The following CCDC141 variants were observed in gnomAD, a reference collection of about 807,000 sequenced individuals.
CCDC141 encodes the protein coiled-coil domain containing 141.
In CCDC141, 168 loss-of-function variants were observed where a neutral mutation model predicts 181.0. The observed-to-expected ratio is 0.93, with a 90% CI of 0.82 to 1.05. The LOEUF is 1.05. Among genes scored for constraint, CCDC141 ranks in the 50% least tolerant of loss-of-function variants. CCDC141 has a pLI of 0.00. For missense variants in CCDC141, 1,902 were observed against 1,788.5 expected (o/e 1.06, Z -1.14); for synonymous variants, 666 against 642.3 (o/e 1.04, Z -0.56).
intron 4 of CCDC141, among the ~76,000 whole-genome samples, chr2:178,963,413 G>GTT (rs368404547): frequency 7.4e-4 from 111 of 150,268 alleles, no homozygotes; most frequent in African/African-American, 2.5e-3. Flanking sequence ...CAAATATACT[G>GTT]TTTTTTTTTG....
At chr2:178,887,598 C>T (rs1260764493) in intron 9 of CCDC141, among the ~76,000 whole-genome samples, 1 of 152,224 alleles carries the variant, frequency 6.6e-6, no homozygotes. Context: ...GTCTCAAGCT[C>T]CAGGCAATGC....
intron 10 of CCDC141, among the ~76,000 whole-genome samples, chr2:178,885,456 C>G (rs1222687002): frequency 1.3e-5 from 2 of 152,036 alleles, no homozygotes; most frequent in Non-Finnish European, 2.9e-5. Context: ...CAGCAAATTC[C>G]TAAACTAATT....
intron 2 of CCDC141, among the ~76,000 whole-genome samples, chr2:179,000,997 A>C (rs2041953098): frequency 6.6e-6 from 1 of 152,196 alleles, no homozygotes; most frequent in African/African-American, 2.4e-5. Flanking sequence ...AGGAGTGAAT[A>C]GCCAGGCCTG....
chr2:179,016,699 A>C (rs1166750613), intron 2 of CCDC141, among the ~76,000 whole-genome samples: 1 of 152,008 alleles, frequency 6.6e-6, no homozygotes, highest in Non-Finnish European at 1.5e-5. Flanking sequence ...AGCAAGAATA[A>C]ACTTCTTTCT....
chr2:178,872,406 A>G (rs1281746587), intron 12 of CCDC141, 94 bp from the exon 13 acceptor site: 4 of 1,175,946 alleles, frequency 3.4e-6, no homozygotes, highest in Non-Finnish European at 4.7e-6. Context: ...ATTCTTTATC[A>G]CAACCAAAGC....
At chr2:179,044,523 T>C (rs1197749865) in intron 2 of CCDC141, among the ~76,000 whole-genome samples, 1 of 152,318 alleles carries the variant, frequency 6.6e-6, no homozygotes, top group South Asian at 2.1e-4. Flanking sequence ...TTCCCTTCTG[T>C]AGTCCTGGAT....
At chr2:178,920,052 T>A (rs1447884717) in intron 6 of CCDC141, among the ~76,000 whole-genome samples, 4 of 152,200 alleles carry the variant, frequency 2.6e-5, no homozygotes, top group African/African-American at 9.7e-5. Flanking sequence ...GAAGGGAAAT[T>A]CAAGTTTCTT....
intron 2 of CCDC141, among the ~76,000 whole-genome samples, chr2:178,999,899 C>A (rs915041028): frequency 6.6e-6 from 1 of 152,122 alleles, no homozygotes; most frequent in African/African-American, 2.4e-5. Flanking sequence ...CCCTTTAAAG[C>A]ACTTTCCACC....
intron 8 of CCDC141, among the ~76,000 whole-genome samples, chr2:178,901,141 A>G (rs949685485): frequency 2.0e-5 from 3 of 152,106 alleles, no homozygotes; most frequent in Non-Finnish European, 2.9e-5. Context: ...AGAGTTCTTC[A>G]GCTACATGGT....
At chr2:178,843,143 A>G (rs1684797465) in intron 22 of CCDC141, among the ~76,000 whole-genome samples, 1 of 152,218 alleles carries the variant, frequency 6.6e-6, no homozygotes, top group African/African-American at 2.4e-5. Context: ...ATTACAAAGC[A>G]GCTTATGTAT....
intron 6 of CCDC141, among the ~76,000 whole-genome samples, chr2:178,920,110 C>A (rs930074157): frequency 6.6e-6 from 1 of 152,182 alleles, no homozygotes. Flanking sequence ...ATGATTATCT[C>A]TAACATGACT....
chr2:178,833,998 A>T lies in CCDC141; in HGVS notation c.*175T>A. On this transcript the variant is annotated 3_prime_UTR_variant, in exon 24 of 24. Transcript: ENST00000443758. ...ATTTACCAAGCTTCTCAAATATATTAAACGCTCCAGAAAATTTGATTATTT... is the reference window on the plus strand; with the variant it reads ...ATTTACCAAGCTTCTCAAATATATTTAACGCTCCAGAAAATTTGATTATTT... 1.6e-6 allele frequency: 1 copy of T among 644,800 alleles called. No homozygotes were observed. The highest frequency in any genetic ancestry group is 2.6e-6 in the Non-Finnish European group (1 of 384,242). The allele number at this position is 644,800 out of a possible 1,614,324, so 39.9% of individuals were successfully genotyped here. A position where few individuals can be genotyped will look rare whatever the true frequency, so the allele number is the denominator to read the frequency against.
intron 17 of CCDC141, among the ~76,000 whole-genome samples, chr2:178,863,800 T>C (rs1685720983): frequency 6.6e-6 from 1 of 152,152 alleles, no homozygotes; most frequent in Non-Finnish European, 1.5e-5. Flanking sequence ...TGGAAGCAAA[T>C]GGGAAGAATA....
At chr2:178,943,350 A>G (rs1172504523) in intron 6 of CCDC141, among the ~76,000 whole-genome samples, 1 of 152,180 alleles carries the variant, frequency 6.6e-6, no homozygotes, top group African/African-American at 2.4e-5. Flanking sequence ...TTATCAATCA[A>G]ATATTCAAAC....
intron 6 of CCDC141, 81 bp from the exon 7 acceptor site, chr2:178,918,988 T>G (rs951290204): frequency 4.0e-6 from 5 of 1,255,456 alleles, no homozygotes; most frequent in Admixed American, 4.6e-5. Flanking sequence ...ATTCCTCTGC[T>G]GAAATCTAAC....
intron 20 of CCDC141, among the ~76,000 whole-genome samples, chr2:178,850,633 T>C (rs78640478): frequency 0.02 from 3,021 of 151,878 alleles, 88 homozygotes; most frequent in East Asian, 0.12. Context: ...CAGCTGAGTA[T>C]TCCTTCCTCT....
intron 6 of CCDC141, among the ~76,000 whole-genome samples, chr2:178,930,510 T>C (rs1351545448): frequency 6.6e-6 from 1 of 152,070 alleles, no homozygotes; most frequent in Non-Finnish European, 1.5e-5. Flanking sequence ...ACAATCATGA[T>C]AAATAAGAAG....
In CCDC141 at chr2:179,013,712, A is replaced by G. The variant is rs377440951; in HGVS notation, c.225+33572T>C. On this transcript the variant is annotated intron_variant, in intron 2 of 23. Transcript: ENST00000443758. ...ACAGGGCGCAGTGGCTCATGCCTAT[A>G]ATTCCAGCACTTTGGGAGGCCGAGG... Among the ~76,000 whole-genome samples the G allele has an allele frequency of 2.0e-5, 3 of 152,156 alleles. No homozygotes were observed. In the East Asian group the frequency reaches 5.8e-4, roughly 29 times the overall value.
At chr2:178,846,584 G>A (rs770948903) in intron 21 of CCDC141, among the ~76,000 whole-genome samples, 8 of 152,152 alleles carry the variant, frequency 5.3e-5, no homozygotes, top group Non-Finnish European at 8.8e-5. Context: ...ACTCTAAACC[G>A]AACTGGTTTG....
Sources: allele counts gnomAD v4.1 joint callset (sites outside exome capture counted in the v4.1 genomes callset), GRCh38; gene constraint gnomAD v4.1.1; transcripts MANE v1.5; gene names NCBI Gene and HGNC (gene_info 2026-07-23, HGNC 2026-07-21).